FAM227B: variants seen among roughly 807,000 people sequenced by gnomAD.
The protein encoded by FAM227B is family with sequence similarity 227 member B, also known as protein FAM227B.
Under a neutral mutation model 73.8 loss-of-function variants are expected in FAM227B, and 88 were observed. The observed-to-expected ratio is 1.19, with a 90% CI of 1.00 to 1.42. FAM227B has a LOEUF of 1.42. Among genes scored for constraint, FAM227B ranks in the 40% most tolerant of loss-of-function variants. FAM227B has a pLI of 0.00. For synonymous variants in FAM227B, 210 were observed against 190.5 expected, an observed-to-expected ratio of 1.10 and a Z score of -0.84; for missense variants, 632 against 590.9, an observed-to-expected ratio of 1.07 and a Z score of -0.72.
chr15:49,489,849 ATATATATATTT>A (rs1227796273), intron 11 of FAM227B, among the ~76,000 whole-genome samples: 477 of 19,314 alleles, frequency 0.025, 65 homozygotes, highest in South Asian at 0.055. Context: ...TTTTATATAT[ATATATATATTT>A]TATATATATA....
Position 49,328,270 on chromosome 15 carries a change from G to A in FAM227B, c.*298C>T. On this transcript the variant is annotated 3_prime_UTR_variant, in exon 16 of 16. Transcript: ENST00000299338. ...CTGTTTTGTATTATGATGAACGGTT[G>A]CTATTATATCAAGATATATTTTCAA... The A allele has an allele frequency of 1.4e-6, 2 of 1,450,956 alleles. No individual in the cohort carries two copies. Among genetic ancestry groups the A allele is most frequent in the South Asian group, 1.5e-5 (1 of 66,604 alleles). 89.9% of individuals were successfully genotyped at this position (1,450,956 alleles called of 1,614,324 possible). A position where few individuals can be genotyped will look rare whatever the true frequency, so the allele number is the denominator to read the frequency against.
intron 11 of FAM227B, among the ~76,000 whole-genome samples, chr15:49,427,462 C>T (rs1448598701): frequency 6.6e-6 from 1 of 151,934 alleles, no homozygotes; most frequent in Non-Finnish European, 1.5e-5. Context: ...GTTTTGATGC[C>T]TTAAATTTTT....
intron 11 of FAM227B, among the ~76,000 whole-genome samples, chr15:49,413,620 CCAAA>C (rs1380149654): frequency 2.0e-5 from 3 of 151,982 alleles, no homozygotes; most frequent in Non-Finnish European, 4.4e-5. Flanking sequence ...TTGCCATCTC[CCAAA>C]CATTCTCCAA....
chr15:49,567,318 C>A (rs981349877), intron 9 of FAM227B, among the ~76,000 whole-genome samples: 1 of 152,128 alleles, frequency 6.6e-6, no homozygotes, highest in Non-Finnish European at 1.5e-5. Context: ...TCAACCTCTT[C>A]ATGTGATATA....
At chr15:49,433,595 A>T (rs1410940569) in intron 11 of FAM227B, among the ~76,000 whole-genome samples, 1 of 151,718 alleles carries the variant, frequency 6.6e-6, no homozygotes, top group African/African-American at 2.4e-5. Flanking sequence ...CTAAAAAAAA[A>T]TGGCCTCCAG....
At chr15:49,334,575 G>A (rs1353002745) in intron 14 of FAM227B, among the ~76,000 whole-genome samples, 2 of 152,098 alleles carry the variant, frequency 1.3e-5, no homozygotes, top group Non-Finnish European at 2.9e-5. Flanking sequence ...TTCCCACTAA[G>A]CACAGGAAGT....
At chr15:49,595,338 C>A (rs2076827073) in intron 3 of FAM227B, among the ~76,000 whole-genome samples, 1 of 151,858 alleles carries the variant, frequency 6.6e-6, no homozygotes, top group African/African-American at 2.4e-5. Flanking sequence ...GATCTAGGAG[C>A]TTTTCAAATT....
intron 13 of FAM227B, among the ~76,000 whole-genome samples, chr15:49,362,633 T>C (rs954491130): frequency 2.0e-5 from 3 of 152,202 alleles, no homozygotes; most frequent in Non-Finnish European, 4.4e-5. Context: ...TAATTAGGTT[T>C]CATCTGTCAA....
rs150531738 is a variant in FAM227B at position 49,524,921 on chromosome 15, C to T, written c.875-16573G>A. On this transcript the variant is annotated intron_variant, in intron 10 of 15. Coordinates refer to ENST00000299338, the MANE Select transcript of FAM227B (RefSeq NM_152647.3). The stretch of plus-strand genomic sequence containing the variant: ...ATTTGGAATGGCTGTATTTACCCAA[C>T]GCCTGTACTCTAATTGTATCTAGGA... 5.5e-4 allele frequency among the ~76,000 whole-genome samples: 83 copies of T among 152,252 alleles called. 1 individual carries two copies. In the East Asian group the frequency reaches 0.015, roughly 28 times the overall value.
chr15:49,331,486 A>G, intron 15 of FAM227B: 1 of 312,406 alleles, frequency 3.2e-6, no homozygotes, highest in South Asian at 5.8e-5. Flanking sequence ...AAAACTTACA[A>G]TTTTAAACAT....
At chr15:49,396,694 C>T (rs1170980198) in intron 11 of FAM227B, among the ~76,000 whole-genome samples, 5 of 150,344 alleles carry the variant, frequency 3.3e-5, no homozygotes, top group African/African-American at 4.8e-5. Flanking sequence ...TGACCCCTGA[C>T]CCCCGAGCAG....
chr15:49,445,716 G>A (rs866837517), intron 11 of FAM227B, among the ~76,000 whole-genome samples: 1 of 151,590 alleles, frequency 6.6e-6, no homozygotes, highest in Middle Eastern at 3.4e-3. Flanking sequence ...AAGTTCAGAT[G>A]ATAATAGCTG....
chr15:49,569,675 T>C (rs931794118), intron 8 of FAM227B, among the ~76,000 whole-genome samples: 7 of 152,022 alleles, frequency 4.6e-5, no homozygotes, highest in Non-Finnish European at 1.0e-4. Flanking sequence ...TTTTGAAGTA[T>C]ACAATATAGT....
chr15:49,425,327 T>C (rs768195036), intron 11 of FAM227B: 1 of 152,028 alleles, frequency 6.6e-6, no homozygotes, highest in Non-Finnish European at 1.5e-5. Context: ...CTTACATTTT[T>C]CCCAAGAATC....
chr15:49,566,382 T>C (rs1177923554), intron 9 of FAM227B, among the ~76,000 whole-genome samples: 7 of 152,176 alleles, frequency 4.6e-5, no homozygotes, highest in Admixed American at 1.3e-4. Context: ...ACATTTTCTA[T>C]GAATATCCTG....
At chr15:49,608,971 A>C (rs1178152787) in intron 3 of FAM227B, among the ~76,000 whole-genome samples, 1 of 152,018 alleles carries the variant, frequency 6.6e-6, no homozygotes, top group African/African-American at 2.4e-5. Flanking sequence ...GACAGTAAAG[A>C]GAGATGAGAC....
intron 11 of FAM227B, among the ~76,000 whole-genome samples, chr15:49,453,732 G>T (rs1486989631): frequency 6.6e-6 from 1 of 151,760 alleles, no homozygotes; most frequent in Non-Finnish European, 1.5e-5. Context: ...TCCTTTTCTT[G>T]AGCTCTTGTT....
intron 11 of FAM227B, among the ~76,000 whole-genome samples, chr15:49,397,017 G>C (rs966612512): frequency 2.6e-5 from 4 of 152,330 alleles, no homozygotes; most frequent in South Asian, 2.1e-4. Context: ...GACGAGCTGA[G>C]AGAAGAAGGC....
intron 11 of FAM227B, among the ~76,000 whole-genome samples, chr15:49,438,998 G>C (rs1219575792): frequency 6.6e-6 from 1 of 151,736 alleles, no homozygotes; most frequent in East Asian, 1.9e-4. Flanking sequence ...CAGTTTCAGA[G>C]GGTCAGGAAT....
Sources: allele counts gnomAD v4.1 joint callset (sites outside exome capture counted in the v4.1 genomes callset), GRCh38; gene constraint gnomAD v4.1.1; transcripts MANE v1.5; gene names NCBI Gene and HGNC (gene_info 2026-07-23, HGNC 2026-07-21).